The following ANKFY1 variants were observed in gnomAD, a reference collection of about 807,000 sequenced individuals.
The protein encoded by ANKFY1 is ankyrin repeat and FYVE domain-containing protein 1.
Under a neutral mutation model 128.3 loss-of-function variants are expected in ANKFY1, and 47 were observed. The observed-to-expected ratio is 0.37, with a 90% CI of 0.29 to 0.47. ANKFY1 has a LOEUF of 0.47. Among genes scored for constraint, ANKFY1 ranks in the 20% least tolerant of loss-of-function variants. The pLI is 1.00. For synonymous variants in ANKFY1, 553 were observed against 601.6 expected, an observed-to-expected ratio of 0.92 and a Z score of 1.18; for missense variants, 1,222 against 1,510.6, an observed-to-expected ratio of 0.81 and a Z score of 3.17.
At chr17:4,202,771 A>G (rs2059956708) in intron 7 of ANKFY1, among the ~76,000 whole-genome samples, 2 of 150,934 alleles carry the variant, frequency 1.3e-5, no homozygotes, top group South Asian at 2.1e-4. Context: ...TGAAAAATGT[A>G]TAATACACCA....
At position 4,167,684 on chromosome 17, in the gene ANKFY1, C is replaced by A; in HGVS notation, c.*95G>T. 2 of 1,306,830 alleles carry A rather than the reference C, an allele frequency of 1.5e-6. No individual in the cohort carries two copies. Among genetic ancestry groups the A allele is most frequent in the Non-Finnish European group, 1.0e-6 (1 of 976,464 alleles). 81.0% of individuals were successfully genotyped at this position (1,306,830 alleles called of 1,614,324 possible). Reference sequence around the variant, plus strand: ...CCAGTCTATTGCCGCAGGAAGACACCCGCCAGCTCCTGCTCTGGGTGGGGT... The same window carrying A: ...CCAGTCTATTGCCGCAGGAAGACACACGCCAGCTCCTGCTCTGGGTGGGGT... On this transcript the variant is annotated 3_prime_UTR_variant, in exon 25 of 25. Coordinates refer to ENST00000341657, the MANE Select transcript of ANKFY1 (RefSeq NM_001330063.2). The surrounding 1 kb of genome is among the most constrained non-coding windows in gnomAD (Gnocchi z 4.1).
At chr17:4,234,496 C>A (rs1273829441) in intron 3 of ANKFY1, among the ~76,000 whole-genome samples, 5 of 151,714 alleles carry the variant, frequency 3.3e-5, no homozygotes, top group Non-Finnish European at 7.4e-5. Flanking sequence ...GCCAATGTAG[C>A]TATTAATTTT....
rs575461268 is a variant in ANKFY1, at chr17:4,172,922, C to T, written c.3015-242G>A. On this transcript the variant is annotated intron_variant, in intron 21 of 24. Transcript: ENST00000341657. The stretch of plus-strand genomic sequence containing the variant: ...TCACCCAGGCTGGAGTGCAGTGGCG[C>T]GATCTCGGCTCACTGCAAGCTCCGC... Among the ~76,000 whole-genome samples, 247 of 152,308 alleles carry T rather than the reference C, an allele frequency of 1.6e-3. 1 individual carries two copies. Among genetic ancestry groups the T allele is most frequent in the Admixed American group, 3.7e-3 (56 of 15,308 alleles).
intron 1 of ANKFY1, among the ~76,000 whole-genome samples, chr17:4,263,391 G>A (rs1025665548): frequency 2.0e-5 from 3 of 152,176 alleles, no homozygotes; most frequent in Non-Finnish European, 4.4e-5. Context: ...CTGGCCTGAA[G>A]GCTGGGGTTG....
chr17:4,193,505 G>A (rs1265973908), intron 10 of ANKFY1, among the ~76,000 whole-genome samples: 1 of 138,986 alleles, frequency 7.2e-6, no homozygotes, highest in Non-Finnish European at 1.5e-5. Flanking sequence ...TTGGCTCACT[G>A]CAACCTCCGC....
At chr17:4,174,120 G>A (rs1598009762) in intron 19 of ANKFY1, 64 bp from the exon 20 acceptor site, 2 of 1,566,010 alleles carry the variant, frequency 1.3e-6, no homozygotes, top group East Asian at 4.5e-5. Flanking sequence ...CCTTATGGGG[G>A]CCGAGCCTGC....
intron 19 of ANKFY1, 55 bp from the exon 20 acceptor site, chr17:4,174,111 C>G (rs1261052066): frequency 1.3e-5 from 21 of 1,587,022 alleles, no homozygotes; most frequent in Non-Finnish European, 1.8e-5. Flanking sequence ...CAAGATCCCC[C>G]TTATGGGGGC....
chr17:4,222,700 C>A, intron 3 of ANKFY1: 1 of 864,416 alleles, frequency 1.2e-6, no homozygotes, highest in Non-Finnish European at 2.0e-6. Flanking sequence ...ACCACTTCTA[C>A]GCGTGTTTTA....
intron 4 of ANKFY1, 188 bp downstream of exon 4, chr17:4,216,795 C>CT (rs2060227114): frequency 2.7e-6 from 2 of 734,712 alleles, no homozygotes; most frequent in East Asian, 5.5e-5. Flanking sequence ...ATAGCAAAAG[C>CT]TTTAGCAAAA....
intron 2 of ANKFY1, among the ~76,000 whole-genome samples, chr17:4,241,230 C>CACATAGCT (rs112124206): frequency 0.018 from 2,690 of 149,388 alleles, 86 homozygotes; most frequent in African/African-American, 0.063. Context: ...AGATTGAAGT[C>CACATAGCT]ACATAGCTAA....
Position 4,263,036 on chromosome 17 carries a change from TCCAATAATGGGGTGAAGA to T in ANKFY1, c.10+878_10+895del, listed in dbSNP as rs373880468. On this transcript the variant is annotated intron_variant, in intron 1 of 24. Transcript: ENST00000341657. ...AAAGGTCAAATAAGGAATACTGTTCTCCAATAATGGGGTGAAGAGGAGAACCAGGCTGCCCAGATCCAA... is the reference window on the plus strand; with the variant it reads ...AAAGGTCAAATAAGGAATACTGTTCTGGAGAACCAGGCTGCCCAGATCCAA... Among the ~76,000 whole-genome samples, 849 of 152,234 alleles carry T rather than the reference TCCAATAATGGGGTGAAGA, an allele frequency of 5.6e-3. 5 individuals are homozygous for T. The highest frequency in any genetic ancestry group is 0.02 in the African/African-American group (816 of 41,538).
intron 7 of ANKFY1, 150 bp downstream of exon 7, chr17:4,206,171 T>C (rs2060019804): frequency 1.2e-6 from 1 of 857,514 alleles, no homozygotes; most frequent in South Asian, 1.9e-5. Context: ...GTGCTTCCTC[T>C]GACCCAATGA....
At chr17:4,189,266 A>G in intron 11 of ANKFY1, 116 bp downstream of exon 11, 2 of 767,248 alleles carry the variant, frequency 2.6e-6, no homozygotes, top group East Asian at 2.7e-5. Context: ...ATATGCATGT[A>G]TTATTCTGAT....
chr17:4,196,282 CAT>C (rs1405475582), intron 8 of ANKFY1, among the ~76,000 whole-genome samples: 7 of 151,988 alleles, frequency 4.6e-5, no homozygotes, highest in Admixed American at 4.6e-4. Flanking sequence ...GTAATTATCA[CAT>C]GATACTGAGA....
intron 1 of ANKFY1, among the ~76,000 whole-genome samples, chr17:4,258,022 A>G (rs1052813038): frequency 2.0e-5 from 3 of 152,246 alleles, no homozygotes; most frequent in South Asian, 4.1e-4. Context: ...TTACTTTGAC[A>G]TAACCACTAA....
chr17:4,199,024 G>A (rs952635759), intron 7 of ANKFY1, among the ~76,000 whole-genome samples: 1 of 152,006 alleles, frequency 6.6e-6, no homozygotes, highest in African/African-American at 2.4e-5. Context: ...AGCAAGGAGC[G>A]GTGACAACAG....
chr17:4,184,170 G>A (rs149562377), intron 12 of ANKFY1, among the ~76,000 whole-genome samples: 36 of 152,240 alleles, frequency 2.4e-4, no homozygotes, highest in African/African-American at 8.4e-4. Context: ...ACGGAAACAC[G>A]CTTGATTACT....
chr17:4,261,206 C>T (rs1212765644), intron 1 of ANKFY1, among the ~76,000 whole-genome samples: 1 of 152,158 alleles, frequency 6.6e-6, no homozygotes, highest in Non-Finnish European at 1.5e-5. Context: ...AAACTGTGGC[C>T]GGCCGGGTGT....
At chr17:4,238,860 G>C (rs1967057171) in intron 2 of ANKFY1, among the ~76,000 whole-genome samples, 1 of 152,082 alleles carries the variant, frequency 6.6e-6, no homozygotes, top group Non-Finnish European at 1.5e-5. Flanking sequence ...TCGGGTTCAA[G>C]CAATTCTCCT....
Sources: allele counts gnomAD v4.1 joint callset (sites outside exome capture counted in the v4.1 genomes callset), GRCh38; gene constraint gnomAD v4.1.1; non-coding constraint Gnocchi (gnomAD v3.1); transcripts MANE v1.5; gene names NCBI Gene and HGNC (gene_info 2026-07-23, HGNC 2026-07-21).